The following TMEM116 variants were observed in gnomAD, a reference collection of about 807,000 sequenced individuals.
TMEM116 encodes the protein transmembrane protein 116.
A neutral mutation model predicts 44.3 loss-of-function variants in TMEM116; 38 were observed. The observed-to-expected ratio is 0.86, with a 90% CI of 0.66 to 1.12. The LOEUF (loss-of-function observed/expected upper bound fraction) is 1.12. Among genes scored for constraint, TMEM116 ranks in the 50% most tolerant of loss-of-function variants. The pLI, the probability that TMEM116 is intolerant of heterozygous loss-of-function variation, is 0.00. For synonymous variants in TMEM116, 132 were observed against 144.8 expected (o/e 0.91, Z 0.64); for missense variants, 354 against 401.7 (o/e 0.88, Z 1.01).
chr12:111,935,432 A>C (rs1348291287), intron 8 of TMEM116: 1 of 152,098 alleles, frequency 6.6e-6, no homozygotes, highest in Non-Finnish European at 1.5e-5. Flanking sequence ...TAGAATGCTA[A>C]TTCTGAATAT....
chr12:111,983,178 C>T (rs1217172471), intron 4 of TMEM116, among the ~76,000 whole-genome samples: 1 of 152,032 alleles, frequency 6.6e-6, no homozygotes, highest in Non-Finnish European at 1.5e-5. Flanking sequence ...TGGCTCATGC[C>T]TGTAATCCCA....
chr12:112,003,911 G>T, intron 2 of TMEM116, 48 bp from the exon 3 acceptor site: 2 of 1,427,152 alleles, frequency 1.4e-6, no homozygotes, highest in South Asian at 3.0e-5. Context: ...ACAATGGAGT[G>T]CCATCGTTTT....
chr12:111,956,685 C>T (rs931706987), intron 4 of TMEM116, among the ~76,000 whole-genome samples: 8 of 152,158 alleles, frequency 5.3e-5, no homozygotes. Flanking sequence ...GACTGGTTTT[C>T]GTATTTTTTG....
intron 4 of TMEM116, among the ~76,000 whole-genome samples, chr12:111,964,869 T>TG (rs2074881390): frequency 6.6e-6 from 1 of 151,788 alleles, no homozygotes; most frequent in African/African-American, 2.4e-5. Context: ...AAAAAAATTT[T>TG]TTTGTAGAGA....
intron 4 of TMEM116, among the ~76,000 whole-genome samples, chr12:111,988,002 C>T (rs1330863887): frequency 5.9e-5 from 9 of 152,150 alleles, no homozygotes; most frequent in African/African-American, 2.2e-4. Flanking sequence ...GCCTTAAAAA[C>T]GAAGGAAATT....
chr12:111,961,709 TATC>T (rs2074601804), intron 4 of TMEM116, among the ~76,000 whole-genome samples: 1 of 152,146 alleles, frequency 6.6e-6, no homozygotes, highest in South Asian at 2.1e-4. Flanking sequence ...CCACAGCCAA[TATC>T]ATACTGAATG....
chr12:111,940,567 GTA>G (rs138347540), intron 5 of TMEM116, among the ~76,000 whole-genome samples: 75 of 130,130 alleles, frequency 5.8e-4, no homozygotes, highest in Non-Finnish European at 9.2e-4. Flanking sequence ...ATATATGTGT[GTA>G]TATATATATA....
intron 9 of TMEM116, among the ~76,000 whole-genome samples, chr12:111,933,055 A>G (rs2071789419): frequency 6.6e-6 from 1 of 152,182 alleles, no homozygotes; most frequent in African/African-American, 2.4e-5. Context: ...AGCCTGGCCA[A>G]CATGGCGAAA....
chr12:111,972,379 C>A (rs558371371), intron 4 of TMEM116, among the ~76,000 whole-genome samples: 10 of 152,158 alleles, frequency 6.6e-5, no homozygotes, highest in African/African-American at 2.4e-4. Flanking sequence ...TACAAATCCA[C>A]AATTATAGTC....
chr12:111,968,605 G>C (rs962833272), intron 4 of TMEM116, among the ~76,000 whole-genome samples: 1 of 152,154 alleles, frequency 6.6e-6, no homozygotes, highest in Non-Finnish European at 1.5e-5. Flanking sequence ...GACTGAAACA[G>C]ATATTAGAAC....
intron 4 of TMEM116, among the ~76,000 whole-genome samples, chr12:111,977,444 C>G (rs1432755548): frequency 2.0e-5 from 3 of 152,116 alleles, no homozygotes. Context: ...GAATTGTACA[C>G]TTTAAAACGG....
intron 4 of TMEM116, among the ~76,000 whole-genome samples, chr12:111,968,414 T>G (rs1195898160): frequency 6.6e-6 from 1 of 152,250 alleles, no homozygotes; most frequent in African/African-American, 2.4e-5. Context: ...TATTTCCAAG[T>G]AATTTAACTG....
chr12:111,969,232 A>G (rs553974869), intron 4 of TMEM116, among the ~76,000 whole-genome samples: 1 of 149,950 alleles, frequency 6.7e-6, no homozygotes, highest in South Asian at 2.1e-4. Context: ...AGGCAGGAGA[A>G]TCGTTTGAAC....
rs79216731 is a variant in TMEM116 at position 111,953,262 on chromosome 12, A to G, written c.211-9893T>C. On this transcript the variant is annotated intron_variant, in intron 4 of 10. Coordinates refer to ENST00000552374, the MANE Select transcript of TMEM116 (RefSeq NM_001193531.2). ...AAGAGTTTGACACTAACTCCTAGTCACCAATGACTCCCTTCGACATGGGAC... is the reference window on the plus strand; with the variant it reads ...AAGAGTTTGACACTAACTCCTAGTCGCCAATGACTCCCTTCGACATGGGAC... Among the ~76,000 whole-genome samples, 40 of 152,300 alleles carry G rather than the reference A, an allele frequency of 2.6e-4. No homozygotes were observed. In the East Asian group the frequency reaches 7.5e-3, roughly 29 times the overall value.
intron 3 of TMEM116, among the ~76,000 whole-genome samples, chr12:111,999,728 A>T (rs2077147422): frequency 6.6e-6 from 1 of 152,204 alleles, no homozygotes; most frequent in Non-Finnish European, 1.5e-5. Context: ...TGAGCAAACA[A>T]TCCCACAAGA....
At chr12:111,938,948 TAATC>T (rs1437444373) in intron 5 of TMEM116, among the ~76,000 whole-genome samples, 1 of 152,208 alleles carries the variant, frequency 6.6e-6, no homozygotes. Context: ...AGTGAGTAAT[TAATC>T]AATAATCAGA....
intron 4 of TMEM116, among the ~76,000 whole-genome samples, chr12:111,943,815 G>A (rs1283286129): frequency 6.6e-6 from 1 of 152,082 alleles, no homozygotes; most frequent in Non-Finnish European, 1.5e-5. Context: ...GGGATTACAG[G>A]TGTGAGCAAT....
intron 4 of TMEM116, among the ~76,000 whole-genome samples, chr12:111,962,882 T>G (rs2074693736): frequency 6.6e-6 from 1 of 152,174 alleles, no homozygotes. Context: ...ACAGGCAGCC[T>G]ATAGAATGGG....
intron 1 of TMEM116, chr12:112,005,930 G>A (rs116472418): frequency 2.0e-6 from 2 of 985,392 alleles, no homozygotes; most frequent in African/African-American, 1.7e-5. Context: ...AGGAAGACAG[G>A]GAGAGCTTCT....
Sources: gnomAD v4.1 joint callset for allele counts (sites outside exome capture counted in the v4.1 genomes callset) on GRCh38, gnomAD v4.1.1 for gene constraint, MANE v1.5 for transcripts, NCBI Gene and HGNC (gene_info 2026-07-23, HGNC 2026-07-21) for gene names.